CADM2: variants seen among roughly 807,000 people sequenced by gnomAD.
CADM2 encodes the protein cell adhesion molecule 2.
In CADM2, 12 loss-of-function variants were observed where a neutral mutation model predicts 49.8. The observed-to-expected ratio is 0.24, with a 90% CI of 0.15 to 0.39. The LOEUF is 0.39. Ranked by LOEUF, CADM2 falls within the 10% of genes least tolerant of loss-of-function variation. The pLI is 1.00. For synonymous variants in CADM2, 214 were observed against 175.4 expected, an observed-to-expected ratio of 1.22 and a Z score of -1.74; for missense variants, 378 against 492.3, an observed-to-expected ratio of 0.77 and a Z score of 2.20.
chr3:85,071,355 A>G (rs1039064192), intron 1 of CADM2, among the ~76,000 whole-genome samples: 1 of 152,050 alleles, frequency 6.6e-6, no homozygotes, highest in African/African-American at 2.4e-5. Context: ...AGTGCTTATA[A>G]AATGTGGTTA....
intron 8 of CADM2, among the ~76,000 whole-genome samples, chr3:86,046,547 G>A (rs961061418): frequency 3.9e-5 from 6 of 152,006 alleles, no homozygotes; most frequent in Non-Finnish European, 8.8e-5. Context: ...GTATCTAGTG[G>A]TAGAGGCCAA....
chr3:85,015,184 A>G (rs2034199344), intron 1 of CADM2, among the ~76,000 whole-genome samples: 2 of 152,106 alleles, frequency 1.3e-5, no homozygotes, highest in South Asian at 4.1e-4. Context: ...ATAGATGTGT[A>G]ATTTTATATA....
intron 1 of CADM2, among the ~76,000 whole-genome samples, chr3:85,009,103 G>C (rs913641289): frequency 1.3e-5 from 2 of 152,158 alleles, no homozygotes; most frequent in Non-Finnish European, 2.9e-5. Context: ...AGCAGGGCTT[G>C]TTCACAGCTT....
At chr3:85,276,425 G>C (rs1225149047) in intron 1 of CADM2, among the ~76,000 whole-genome samples, 1 of 151,302 alleles carries the variant, frequency 6.6e-6, no homozygotes, top group African/African-American at 2.4e-5. Flanking sequence ...TTACATCCTT[G>C]CTATTCACTA....
chr3:85,704,948 T>A (rs1358957145), intron 1 of CADM2, among the ~76,000 whole-genome samples: 1 of 150,280 alleles, frequency 6.7e-6, no homozygotes, highest in Non-Finnish European at 1.5e-5. Context: ...AAGCTCCGCC[T>A]CCCGGGTTCA....
intron 1 of CADM2, among the ~76,000 whole-genome samples, chr3:85,400,811 C>T (rs1464614957): frequency 1.3e-5 from 2 of 152,124 alleles, no homozygotes; most frequent in Non-Finnish European, 2.9e-5. Flanking sequence ...AGCAGTGAGT[C>T]CTTAATGCTG....
At chr3:85,692,843 T>A (rs781656839) in intron 1 of CADM2, among the ~76,000 whole-genome samples, 1 of 152,162 alleles carries the variant, frequency 6.6e-6, no homozygotes, top group Non-Finnish European at 1.5e-5. Context: ...AGAAAGCTCA[T>A]TAAGCTTATT....
At chr3:85,725,758 C>T (rs1313194792) in intron 1 of CADM2, among the ~76,000 whole-genome samples, 1 of 151,970 alleles carries the variant, frequency 6.6e-6, no homozygotes, top group Non-Finnish European at 1.5e-5. Flanking sequence ...GTTTTCTAGT[C>T]TCATGTTTAT....
intron 1 of CADM2, among the ~76,000 whole-genome samples, chr3:85,653,539 TAGG>T (rs1217726477): frequency 6.6e-6 from 1 of 151,822 alleles, no homozygotes; most frequent in Admixed American, 6.6e-5. Context: ...GAGAAGACTG[TAGG>T]AGAAGCATAT....
intron 1 of CADM2, among the ~76,000 whole-genome samples, chr3:85,195,542 G>GACAC (rs71108270): frequency 0.034 from 4,936 of 146,936 alleles, 97 homozygotes; most frequent in Middle Eastern, 0.11. Context: ...AAACCAGCAA[G>GACAC]ACACACACAC....
At chr3:85,767,178 C>T (rs2069699819) in intron 2 of CADM2, among the ~76,000 whole-genome samples, 1 of 152,054 alleles carries the variant, frequency 6.6e-6, no homozygotes, top group Admixed American at 6.6e-5. Flanking sequence ...TATTAGTGAC[C>T]ACCTTAAAGT....
intron 1 of CADM2, among the ~76,000 whole-genome samples, chr3:85,234,781 G>GT (rs2042375228): frequency 6.6e-6 from 1 of 152,138 alleles, no homozygotes; most frequent in Non-Finnish European, 1.5e-5. Flanking sequence ...AGTAGTAGTA[G>GT]TTTTTTGCAA....
intron 8 of CADM2, among the ~76,000 whole-genome samples, chr3:85,978,998 GA>G (rs1450111322): frequency 1.3e-5 from 2 of 151,514 alleles, no homozygotes; most frequent in African/African-American, 4.8e-5. Context: ...AAAAAGAAGT[GA>G]AAAAAATGAC....
chr3:85,364,209 C>A (rs2032577243), intron 1 of CADM2, among the ~76,000 whole-genome samples: 1 of 152,116 alleles, frequency 6.6e-6, no homozygotes, highest in South Asian at 2.1e-4. Flanking sequence ...TTAAGAGTAT[C>A]TACTCCACAG....
rs572392936 is a variant in CADM2, at chr3:85,636,443, CAA to C, written c.62-90076_62-90075del. Among the ~76,000 whole-genome samples the C allele has an allele frequency of 4.8e-3, 729 of 152,086 alleles. 7 individuals carry two copies. Among genetic ancestry groups the C allele is most frequent in the Non-Finnish European group, 7.7e-3 (523 of 67,962 alleles). On this transcript the variant is annotated intron_variant, in intron 1 of 9. Transcript: ENST00000383699. ...GTTTATTTCAAGCAATGTGTTATTACAAAAGAGTCCAAAATTTTAAAAAATTA... is the reference window on the plus strand; with the variant it reads ...GTTTATTTCAAGCAATGTGTTATTACAAGAGTCCAAAATTTTAAAAAATTA...
chr3:85,527,275 A>C (rs947124975), intron 1 of CADM2, among the ~76,000 whole-genome samples: 1 of 151,228 alleles, frequency 6.6e-6, no homozygotes, highest in Non-Finnish European at 1.5e-5. Context: ...ACTTCCATCT[A>C]CTCAGGATGC....
intron 1 of CADM2, among the ~76,000 whole-genome samples, chr3:85,705,970 A>G (rs1014842759): frequency 1.3e-5 from 2 of 152,220 alleles, no homozygotes; most frequent in African/African-American, 2.4e-5. Flanking sequence ...TGAAATAGGT[A>G]CACTAACATT....
At chr3:85,771,139 C>G (rs1226986464) in intron 2 of CADM2, among the ~76,000 whole-genome samples, 2 of 152,126 alleles carry the variant, frequency 1.3e-5, no homozygotes. Flanking sequence ...TGAAAGTAAG[C>G]ACTTTATCAA....
intron 1 of CADM2, among the ~76,000 whole-genome samples, chr3:85,353,967 A>G (rs530702276): frequency 2.0e-4 from 31 of 152,206 alleles, no homozygotes; most frequent in Admixed American, 6.6e-4. Flanking sequence ...CTATATATGT[A>G]CAATTATTCT....
Sources: allele counts gnomAD v4.1 joint callset (sites outside exome capture counted in the v4.1 genomes callset), GRCh38; gene constraint gnomAD v4.1.1; transcripts MANE v1.5; gene names NCBI Gene and HGNC (gene_info 2026-07-23, HGNC 2026-07-21).